Variants in RPL9 observed in about 807,000 individuals in gnomAD.
RPL9 encodes ribosomal protein L9.
For missense variants in RPL9, 149 were observed against 236.7 expected, an observed-to-expected ratio of 0.63 and a Z score of 2.43; for synonymous variants, 82 against 77.1, an observed-to-expected ratio of 1.06 and a Z score of -0.33.
chr4:39,454,576 A>G lies in RPL9; in HGVS notation c.546T>C (p.Ser182=), dbSNP rs2109853404. Residue 182 remains serine (S), a synonymous_variant, in exon 7 of 8, where the codon TCT becomes TCC. Transcript: ENST00000295955. ...CAGCCTGCTGAACAGTTCCTTTTTC[A>G]GAGACATAGATACCATCCAAAAATT... is the stretch of plus-strand genomic sequence containing the variant. The part of the protein sequence containing the change: ...IRKFLDGIYV[S]EKGTVQQADE 1 of 1,612,938 alleles carries G rather than the reference A, an allele frequency of 6.2e-7. No individual in the cohort carries two copies. The highest frequency in any genetic ancestry group is 8.5e-7 in the Non-Finnish European group (1 of 1,179,640).
intron 7 of RPL9, 66 bp downstream of exon 7, chr4:39,454,467 T>C (rs1025720826): frequency 1.7e-6 from 2 of 1,191,108 alleles, no homozygotes; most frequent in African/African-American, 3.1e-5. Context: ...GTTTAAGTCT[T>C]TTAGTAAATT....
rs1744220394 is a variant in RPL9, at chr4:39,458,456, T to C, written c.-1-16A>G. ...AGTCTTCATTCTGAAACACAAACAC[T>C]GGGGGTGAGGCCGACGCAAGGCCCG... On this transcript the variant is annotated splice_polypyrimidine_tract_variant and intron_variant, in intron 1 of 7. Coordinates refer to ENST00000295955, the MANE Select transcript of RPL9 (RefSeq NM_000661.5). 1 of 1,613,906 alleles carries C rather than the reference T, an allele frequency of 6.2e-7. No individual in the cohort carries two copies. The highest frequency in any genetic ancestry group is 8.5e-7 in the Non-Finnish European group (1 of 1,179,810).
chr4:39,457,482 T>C, intron 4 of RPL9, 104 bp downstream of exon 4: 2 of 1,011,488 alleles, frequency 2.0e-6, no homozygotes. Context: ...TTACACCAAA[T>C]AAAATACATG....
At chr4:39,457,941 T>C in intron 3 of RPL9, 1 of 636,404 alleles carries the variant, frequency 1.6e-6, no homozygotes, top group Non-Finnish European at 2.8e-6. Flanking sequence ...AAGCAATCAC[T>C]AGGAAAATAA....
At chr4:39,457,890 C>G (rs901122595) in intron 3 of RPL9, 12 of 625,620 alleles carry the variant, frequency 1.9e-5, no homozygotes, top group Non-Finnish European at 3.4e-5. Flanking sequence ...ATTAAATCAT[C>G]AGGTTTAAAT....
At position 39,458,577 on chromosome 4, in the gene RPL9, G is replaced by GC. The variant is rs764687492; in HGVS notation, c.-1-138dup. ...GATGTCGGAGGACGGGAGACCGACA[G>GC]CGGGCCCCAGTGTGTCCCAGCCTGG... On this transcript the variant is annotated intron_variant, in intron 1 of 7. Coordinates refer to ENST00000295955, the MANE Select transcript of RPL9 (RefSeq NM_000661.5). 64 of 880,074 alleles carry GC rather than the reference G, an allele frequency of 7.3e-5. No individual in the cohort carries two copies. In the South Asian group the frequency reaches 1.0e-3, roughly 14 times the overall value. The allele number at this position is 880,074 out of a possible 1,614,324, so 54.5% of individuals were successfully genotyped here.
intron 5 of RPL9, 190 bp downstream of exon 5, chr4:39,456,216 A>AT (rs1385352665): frequency 4.2e-5 from 27 of 646,534 alleles, no homozygotes; most frequent in Non-Finnish European, 7.2e-5. Flanking sequence ...TGTAATCGAC[A>AT]TAATGATATA....
chr4:39,458,769 G>A (rs1744247467), intron 1 of RPL9, 122 bp downstream of exon 1: 1 of 679,612 alleles, frequency 1.5e-6, no homozygotes, highest in Non-Finnish European at 2.7e-6. Context: ...GGCTCATATG[G>A]CGCTTGCCGA....
At chr4:39,454,690 C>G in intron 6 of RPL9, 41 bp from the exon 7 acceptor site, 1 of 1,549,268 alleles carries the variant, frequency 6.5e-7, no homozygotes, top group Non-Finnish European at 8.8e-7. Context: ...ATCAGCCTAA[C>G]CCATCTTAAA....
chr4:39,455,124 C>A (rs1436846715), intron 5 of RPL9, 180 bp from the exon 6 acceptor site: 2 of 557,944 alleles, frequency 3.6e-6, no homozygotes, highest in South Asian at 4.5e-5. Context: ...CCGAGGCGGG[C>A]GGATCATGAG....
rs1578224169 is a variant in RPL9, at chr4:39,456,714, T to C, written c.259-176A>G. Reference sequence around the variant, plus strand: ...ATTGTTCTGTCTATTCAGTGGACTGTAAAGCTCCTTGCGGAGGCTTTATTT... The same window carrying C: ...ATTGTTCTGTCTATTCAGTGGACTGCAAAGCTCCTTGCGGAGGCTTTATTT... On this transcript the variant is annotated intron_variant, in intron 4 of 7. Transcript: ENST00000295955. 9 of 678,578 alleles carry C rather than the reference T, an allele frequency of 1.3e-5. No individual in the cohort carries two copies. The East Asian group carries it at 2.5e-4, about 19-fold the overall frequency. The allele number at this position is 678,578 out of a possible 1,614,324, so 42.0% of individuals were successfully genotyped here. A position where few individuals can be genotyped will look rare whatever the true frequency, so the allele number is the denominator to read the frequency against.
chr4:39,455,154 CCTGG>C (rs1744036673), intron 5 of RPL9: 2 of 491,528 alleles, frequency 4.1e-6, no homozygotes, highest in Non-Finnish European at 7.3e-6. Context: ...TCGAAACCAT[CCTGG>C]CTAACACTGT....
intron 1 of RPL9, 85 bp downstream of exon 1, chr4:39,458,806 C>T (rs1744249422): frequency 8.7e-6 from 6 of 686,126 alleles, no homozygotes; most frequent in South Asian, 4.5e-5. Flanking sequence ...GACAAGGTTC[C>T]GAGAGTGGGA....
At position 39,458,252 on chromosome 4, in the gene RPL9, C is replaced by A; in HGVS notation, c.104G>T (p.Arg35Leu). ...VIVKGPRGTL[R>L]RDFNHINVEL... ...TACATTGATGTGATTGAAGTCCCTCCGCAGGGTTCCTCTGGGGCCCTTCAC... is the reference window on the plus strand; with the variant it reads ...TACATTGATGTGATTGAAGTCCCTCAGCAGGGTTCCTCTGGGGCCCTTCAC... The change falls in exon 3 of 8, where the codon CGG (arginine) becomes CTG (leucine). Residue 35 changes from arginine to leucine, a missense_variant. Coordinates refer to ENST00000295955, the MANE Select transcript of RPL9 (RefSeq NM_000661.5). 1 of 1,614,144 alleles carries A rather than the reference C, an allele frequency of 6.2e-7. No homozygotes were observed. The highest frequency in any genetic ancestry group is 8.5e-7 in the Non-Finnish European group (1 of 1,180,026).
chr4:39,458,276 A>C lies in RPL9; in HGVS notation c.80T>G (p.Val27Gly). The change falls in exon 3 of 8, where the codon GTG becomes GGG. Residue 27 changes from valine (V) to glycine (G), a missense_variant. Coordinates refer to ENST00000295955, the MANE Select transcript of RPL9 (RefSeq NM_000661.5). ...CCGCAGGGTTCCTCTGGGGCCCTTCACGATAACTGTGCGTCCCTTCAGAGT... is the reference window on the plus strand; with the variant it reads ...CCGCAGGGTTCCTCTGGGGCCCTTCCCGATAACTGTGCGTCCCTTCAGAGT... ...DITLKGRTVIVKGPRGTLRRD... is the reference protein window; with the variant it reads ...DITLKGRTVIGKGPRGTLRRD... 1 of 1,614,170 alleles carries C rather than the reference A, an allele frequency of 6.2e-7. No homozygotes were observed. Among genetic ancestry groups the C allele is most frequent in the Non-Finnish European group, 8.5e-7 (1 of 1,180,018 alleles).
At chr4:39,457,974 G>A (rs962136705) in intron 3 of RPL9, 1 of 686,122 alleles carries the variant, frequency 1.5e-6, no homozygotes, top group Non-Finnish European at 2.6e-6. Context: ...ACACCATTAA[G>A]ACGTGTCACT....
At chr4:39,457,716 A>G in intron 3 of RPL9, 35 bp from the exon 4 acceptor site, 1 of 1,539,986 alleles carries the variant, frequency 6.5e-7, no homozygotes, top group Non-Finnish European at 9.0e-7. Flanking sequence ...CTTTCCAGAA[A>G]TATGCAGGCT....
chr4:39,456,325 A>C, intron 5 of RPL9, 81 bp downstream of exon 5: 1 of 1,472,608 alleles, frequency 6.8e-7, no homozygotes, highest in South Asian at 1.1e-5. Context: ...AGCCAACTAA[A>C]GTATGGAAGT....
chr4:39,457,776 C>T (rs1744169416), intron 3 of RPL9, 95 bp from the exon 4 acceptor site: 1 of 1,064,108 alleles, frequency 9.4e-7, no homozygotes, highest in Admixed American at 1.9e-5. Flanking sequence ...CTAGAATTAA[C>T]CCTTATCAAA....
Sources: allele counts gnomAD v4.1 joint callset, GRCh38; gene constraint gnomAD v4.1.1; transcripts MANE v1.5; gene names NCBI Gene and HGNC (gene_info 2026-07-23, HGNC 2026-07-21).